Variants in ADD1 observed in about 807,000 individuals in gnomAD.
ADD1 encodes adducin 1.
In ADD1, 24 loss-of-function variants were observed where a neutral mutation model predicts 80.5. The observed-to-expected ratio is 0.30, with a 90% confidence interval of 0.22 to 0.42. ADD1 has a LOEUF of 0.42. ADD1 is among the 10% of genes least tolerant of loss of function. The probability of loss-of-function intolerance (pLI) is 1.00; values close to 1 mark genes in which losing one functional copy is unlikely to be tolerated. For missense variants in ADD1, 948 were observed against 1,019.0 expected, an observed-to-expected ratio of 0.93 and a Z score of 0.95; for synonymous variants, 373 against 393.8, an observed-to-expected ratio of 0.95 and a Z score of 0.63.
chr4:2,910,882 G>A (rs1737906069), intron 13 of ADD1, among the ~76,000 whole-genome samples: 1 of 152,126 alleles, frequency 6.6e-6, no homozygotes, highest in Non-Finnish European at 1.5e-5. Context: ...TTGACCACCT[G>A]GACAGAAATC....
rs1735591884 is a variant in ADD1, at chr4:2,898,273, G to C, written c.831G>C (p.Leu277=). 6.2e-7 allele frequency: 1 copy of C among 1,614,192 alleles called. No individual in the cohort carries two copies. The highest frequency in any genetic ancestry group is 8.5e-7 in the Non-Finnish European group (1 of 1,180,036). Residue 277 remains leucine (L), a synonymous_variant, in exon 7 of 16, where the codon CTG becomes CTC. Transcript: ENST00000683351. ...CTTATCATGACTACCATGGCATTCT[G>C]GTTGATGAAGAGGAAAAAGTTTTGA... ...EVAYHDYHGI[L]VDEEEKVLIQ...
rs146218076 is a variant in ADD1 at position 2,879,284 on chromosome 4, C to T, written c.196-2614C>T. Among the ~76,000 whole-genome samples, 236 of 152,304 alleles carry T rather than the reference C, an allele frequency of 1.5e-3. 1 individual carries two copies. Among genetic ancestry groups the T allele is most frequent in the African/African-American group, 5.4e-3 (226 of 41,578 alleles). ...GTGCCACGTGTCCTTTCTGCACTTA[C>T]AGGTCGTCTGAAATGCTCTTTATGC... On this transcript the variant is annotated intron_variant, in intron 2 of 15. Coordinates refer to ENST00000683351, the MANE Select transcript of ADD1 (RefSeq NM_001354761.2).
intron 10 of ADD1, chr4:2,907,525 G>C: frequency 2.1e-6 from 1 of 466,828 alleles, no homozygotes; most frequent in South Asian, 2.2e-5. Flanking sequence ...TTTTCCATCA[G>C]TCATGACTTT....
chr4:2,926,632 TCACAAG>T lies in ADD1; in HGVS notation c.2047+523_2047+528del. Reference sequence around the variant, plus strand: ...GTGCTTTTTTCTCCCTGTGGCTGCGTCACAAGCAGGAGACGGATGCGCTAGAGAGTA... The same window carrying T: ...GTGCTTTTTTCTCCCTGTGGCTGCGTCAGGAGACGGATGCGCTAGAGAGTA... On this transcript the variant is annotated intron_variant, in intron 15 of 15. Transcript: ENST00000683351. This position sits in a 1 kb window ranked among gnomAD's most constrained non-coding sequence, Gnocchi z 5.0. The T allele has an allele frequency of 6.2e-7, 1 of 1,613,734 alleles. No individual in the cohort carries two copies.
intron 1 of ADD1, among the ~76,000 whole-genome samples, chr4:2,848,473 A>T (rs1189883934): frequency 3.3e-5 from 5 of 151,978 alleles, no homozygotes; most frequent in South Asian, 2.1e-4. Context: ...TTATTTAATT[A>T]ATTTATTTTT....
rs756361807 is a variant in ADD1 at position 2,928,391 on chromosome 4, C to G, written c.2268C>G (p.Pro756=). The change falls in exon 16 of 16, where the codon CCC becomes CCG. Residue 756 remains proline, a synonymous_variant. Transcript: ENST00000683351. ...DPAPVAEEAA[P]SAVEEGAAAD... is the part of the protein sequence containing the mutation. ...CCCCGGTGGCTGAAGAGGCTGCCCC[C>G]TCAGCTGTCGAGGAGGGGGCCGCCG... 6.2e-7 allele frequency: 1 copy of G among 1,613,354 alleles called. No individual in the cohort carries two copies. Among genetic ancestry groups the G allele is most frequent in the South Asian group, 1.1e-5 (1 of 91,062 alleles).
At chr4:2,908,326 A>G (rs999184232) in intron 11 of ADD1, among the ~76,000 whole-genome samples, 189 bp from the exon 12 acceptor site, 33 of 152,258 alleles carry the variant, frequency 2.2e-4, no homozygotes, top group Non-Finnish European at 3.8e-4. Flanking sequence ...CCATCCCTGC[A>G]GACCCACGCC....
chr4:2,907,454 G>A, intron 10 of ADD1: 1 of 295,380 alleles, frequency 3.4e-6, no homozygotes, highest in Non-Finnish European at 6.6e-6. Flanking sequence ...GGGTTATGGG[G>A]CTCAGCTCTG....
At position 2,929,169 on chromosome 4, in the gene ADD1, G is replaced by A. The variant is rs981588213; in HGVS notation, c.*646G>A. ...CCCTCGACCAGAATCAGATTCAGGA[G>A]CTCAGTTTCTTTTTCACTTGGGTCT... On this transcript the variant is annotated 3_prime_UTR_variant, in exon 16 of 16. Transcript: ENST00000683351. 6.6e-6 allele frequency: 1 copy of A among 152,204 alleles called. No homozygotes were observed. Among genetic ancestry groups the A allele is most frequent in the African/African-American group, 2.4e-5 (1 of 41,456 alleles). The allele number at this position is 152,204 out of a possible 1,614,324, so 9.4% of individuals were successfully genotyped here. A position where few individuals can be genotyped will look rare whatever the true frequency, so the allele number is the denominator to read the frequency against.
At position 2,875,957 on chromosome 4, in the gene ADD1, C is replaced by T. The variant is rs766273815; in HGVS notation, c.42C>T (p.Pro14=). Reference sequence around the variant, plus strand: ...GTGCTGCGGTGGTGACCTCACCACCCCCGACCACAGCCCCTCACAAGGAGA... The same window carrying T: ...GTGCTGCGGTGGTGACCTCACCACCTCCGACCACAGCCCCTCACAAGGAGA... ...DSRAAVVTSP[P]PTTAPHKERY... Residue 14 remains proline (P), a synonymous_variant, in exon 2 of 16, where the codon CCC becomes CCT. Transcript: ENST00000683351. 1.3e-5 allele frequency: 21 copies of T among 1,613,208 alleles called. No individual in the cohort carries two copies. In the African/African-American group the frequency reaches 2.3e-4, roughly 17 times the overall value.
At chr4:2,855,984 C>T (rs1727997977) in intron 1 of ADD1, among the ~76,000 whole-genome samples, 2 of 150,962 alleles carry the variant, frequency 1.3e-5, no homozygotes, top group African/African-American at 4.9e-5. Flanking sequence ...CAGGCGTGCA[C>T]CACCATTGGG....
intron 1 of ADD1, among the ~76,000 whole-genome samples, chr4:2,852,170 CT>C (rs1727223765): frequency 1.4e-5 from 1 of 71,396 alleles, no homozygotes; most frequent in Admixed American, 1.6e-4. Context: ...TTCTTTCTTT[CT>C]TTCTTTCTTT....
intron 1 of ADD1, among the ~76,000 whole-genome samples, chr4:2,852,277 C>CTTTT (rs762195354): frequency 8.6e-6 from 1 of 116,342 alleles, no homozygotes; most frequent in African/African-American, 3.3e-5. Context: ...TTCCTTCCTT[C>CTTTT]CTTCTTTTCT....
At chr4:2,864,568 T>G (rs1364742754) in intron 1 of ADD1, among the ~76,000 whole-genome samples, 2 of 152,222 alleles carry the variant, frequency 1.3e-5, no homozygotes, top group Non-Finnish European at 2.9e-5. Flanking sequence ...ATTATTTTAT[T>G]TATTAGAATG....
At chr4:2,883,892 C>G (rs1028299425) in intron 3 of ADD1, among the ~76,000 whole-genome samples, 2 of 152,076 alleles carry the variant, frequency 1.3e-5, no homozygotes, top group Non-Finnish European at 2.9e-5. Flanking sequence ...AGGATGGTCT[C>G]GATCTCCTGA....
At chr4:2,921,923 T>G (rs904056422) in intron 14 of ADD1, among the ~76,000 whole-genome samples, 1 of 151,920 alleles carries the variant, frequency 6.6e-6, no homozygotes, top group African/African-American at 2.4e-5. Flanking sequence ...GCTTGATTGA[T>G]TTGGCTATTG....
At chr4:2,863,219 A>ATTTT (rs34312305) in intron 1 of ADD1, among the ~76,000 whole-genome samples, 22,158 of 123,016 alleles carry the variant, frequency 0.18, 2,221 homozygotes, top group Non-Finnish European at 0.25. Context: ...CTAATTTTTA[A>ATTTT]TTTTTTTTTT....
At chr4:2,883,233 G>T (rs1285991680) in intron 3 of ADD1, among the ~76,000 whole-genome samples, 2 of 152,054 alleles carry the variant, frequency 1.3e-5, no homozygotes. Flanking sequence ...TGGTTACCTG[G>T]TGATACAGTT....
intron 1 of ADD1, among the ~76,000 whole-genome samples, chr4:2,873,153 C>A (rs1560168059): frequency 6.6e-6 from 1 of 152,012 alleles, no homozygotes; most frequent in Non-Finnish European, 1.5e-5. Context: ...CCCCCACGCC[C>A]CGCTAATTTT....
Sources: gnomAD v4.1 joint callset for allele counts (sites outside exome capture counted in the v4.1 genomes callset) on GRCh38, gnomAD v4.1.1 for gene constraint, Gnocchi (gnomAD v3.1) non-coding constraint, MANE v1.5 for transcripts, NCBI Gene and HGNC (gene_info 2026-07-23, HGNC 2026-07-21) for gene names.